The following HMBOX1 variants were observed in gnomAD, a reference collection of about 807,000 sequenced individuals.
The protein encoded by HMBOX1 is homeobox-containing protein 1.
A neutral mutation model predicts 54.5 loss-of-function variants in HMBOX1; 14 were observed. The ratio of observed to expected loss-of-function variants is 0.26; its 90% CI spans 0.17 to 0.40. The LOEUF is 0.40. Ranked by LOEUF, HMBOX1 falls within the 10% of genes least tolerant of loss-of-function variation. The pLI is 1.00. For synonymous variants in HMBOX1, 160 were observed against 181.0 expected (o/e 0.88, Z 0.93); for missense variants, 332 against 514.4 (o/e 0.65, Z 3.43).
chr8:28,911,620 T>C (rs1815459941), intron 1 of HMBOX1, among the ~76,000 whole-genome samples: 1 of 152,118 alleles, frequency 6.6e-6, no homozygotes, highest in African/African-American at 2.4e-5. Flanking sequence ...CCTCCCAAAA[T>C]GCTGGGATTA....
At chr8:29,007,859 CT>C (rs200652273) in intron 4 of HMBOX1, among the ~76,000 whole-genome samples, 1 of 151,270 alleles carries the variant, frequency 6.6e-6, no homozygotes, top group African/African-American at 2.4e-5. Flanking sequence ...GCTTCACAGT[CT>C]TTTTTTTTAA....
intron 1 of HMBOX1, among the ~76,000 whole-genome samples, chr8:28,904,307 G>A (rs1014867414): frequency 7.3e-5 from 11 of 150,554 alleles, no homozygotes; most frequent in Admixed American, 1.3e-4. Context: ...GAGTGCAGTG[G>A]TGCAATCTTG....
chr8:29,049,119 T>G, intron 9 of HMBOX1, 71 bp downstream of exon 9: 1 of 1,518,374 alleles, frequency 6.6e-7, no homozygotes, highest in Non-Finnish European at 9.1e-7. Flanking sequence ...GCTTAGTTCC[T>G]TGGGTGTGGC....
intron 1 of HMBOX1, among the ~76,000 whole-genome samples, chr8:28,924,175 T>C (rs555932601): frequency 6.7e-4 from 101 of 151,600 alleles, no homozygotes; most frequent in African/African-American, 2.4e-3. Flanking sequence ...GGAATGATCT[T>C]GGCTCACTGC....
intron 1 of HMBOX1, among the ~76,000 whole-genome samples, chr8:28,918,396 G>T (rs530340198): frequency 1.3e-5 from 2 of 151,494 alleles, no homozygotes; most frequent in Non-Finnish European, 2.9e-5. Flanking sequence ...GTAGAGATGG[G>T]GTTCCACCGT....
chr8:28,966,316 A>G (rs1274295316), intron 2 of HMBOX1, among the ~76,000 whole-genome samples: 4 of 152,206 alleles, frequency 2.6e-5, no homozygotes, highest in Non-Finnish European at 5.9e-5. Flanking sequence ...TAATTCCTGA[A>G]TTTAATTGTT....
intron 1 of HMBOX1, among the ~76,000 whole-genome samples, chr8:28,919,045 AG>A (rs1817082292): frequency 6.6e-6 from 1 of 152,260 alleles, no homozygotes; most frequent in African/African-American, 2.4e-5. Context: ...CAGAGAGGAA[AG>A]TGACAGAATA....
intron 6 of HMBOX1, among the ~76,000 whole-genome samples, chr8:29,035,031 G>A (rs574511939): frequency 1.3e-5 from 2 of 152,118 alleles, no homozygotes; most frequent in Non-Finnish European, 2.9e-5. Flanking sequence ...TTCTCCCTCC[G>A]CCTTCAGAGA....
At chr8:28,949,839 T>G (rs2292478) in intron 1 of HMBOX1, 97,427 of 151,962 alleles carry the variant, frequency 0.64, 31,417 homozygotes, top group East Asian at 0.75. Flanking sequence ...TTTTGTAAAG[T>G]TTATTTGCTG....
intron 1 of HMBOX1, among the ~76,000 whole-genome samples, chr8:28,923,063 C>T (rs1331467058): frequency 6.6e-6 from 1 of 152,142 alleles, no homozygotes; most frequent in African/African-American, 2.4e-5. Flanking sequence ...GAGTACAATT[C>T]AGTGACATTA....
At chr8:28,948,779 T>C (rs1261235289) in intron 1 of HMBOX1, among the ~76,000 whole-genome samples, 1 of 152,222 alleles carries the variant, frequency 6.6e-6, no homozygotes, top group Non-Finnish European at 1.5e-5. Context: ...TAATATAAGA[T>C]TTTATTATTT....
chr8:28,960,582 C>T (rs1586105859), intron 1 of HMBOX1, among the ~76,000 whole-genome samples: 1 of 150,580 alleles, frequency 6.6e-6, no homozygotes, highest in East Asian at 1.9e-4. Flanking sequence ...TATATTTGTT[C>T]ATTCTAAAAG....
At chr8:29,043,148 C>T (rs1805087339) in intron 6 of HMBOX1, among the ~76,000 whole-genome samples, 1 of 152,186 alleles carries the variant, frequency 6.6e-6, no homozygotes, top group Non-Finnish European at 1.5e-5. Flanking sequence ...TGGCCCCATC[C>T]CACCTTTCCA....
In HMBOX1 at chr8:28,950,696, A is replaced by G. The variant is rs73241115; in HGVS notation, c.-57-13115A>G. 7.9e-3 allele frequency among the ~76,000 whole-genome samples: 1,204 copies of G among 152,290 alleles called. 11 individuals are homozygous for G. Among genetic ancestry groups the G allele is most frequent in the Non-Finnish European group, 0.012 (800 of 68,002 alleles). ...TTGGAGTCAGTACGTTAGAGGCACA[A>G]CTGTATAGAGGTAGAGATGGTAGCT... On this transcript the variant is annotated intron_variant, in intron 1 of 9. Coordinates refer to ENST00000287701, the MANE Select transcript of HMBOX1 (RefSeq NM_001135726.3).
chr8:29,048,545 CCTG>C (rs1279306862), intron 8 of HMBOX1: 2 of 153,330 alleles, frequency 1.3e-5, no homozygotes, highest in African/African-American at 4.8e-5. Flanking sequence ...CAGGCCTGAC[CCTG>C]CTTAGCTTCC....
At chr8:29,001,414 G>A (rs894005381) in intron 4 of HMBOX1, among the ~76,000 whole-genome samples, 2 of 152,150 alleles carry the variant, frequency 1.3e-5, no homozygotes, top group Non-Finnish European at 2.9e-5. Flanking sequence ...GCCAGGCGTG[G>A]TGGTGGGCAC....
At chr8:28,914,756 A>G (rs2131707830) in intron 1 of HMBOX1, among the ~76,000 whole-genome samples, 1 of 152,326 alleles carries the variant, frequency 6.6e-6, no homozygotes, top group Middle Eastern at 3.4e-3. Flanking sequence ...TTTCAGTGAG[A>G]ACTTCCTTGT....
intron 7 of HMBOX1, 77 bp downstream of exon 7, chr8:29,045,520 C>A: frequency 7.1e-6 from 8 of 1,119,174 alleles, no homozygotes; most frequent in Non-Finnish European, 1.1e-5. Flanking sequence ...GACACTTAAT[C>A]TTATGCGTGC....
chr8:28,897,100 T>C (rs1812285973), intron 1 of HMBOX1, among the ~76,000 whole-genome samples: 1 of 151,858 alleles, frequency 6.6e-6, no homozygotes, highest in Non-Finnish European at 1.5e-5. Flanking sequence ...TTCTCCTGCC[T>C]CAGCCTTCCT....
Sources: gnomAD v4.1 joint callset for allele counts (sites outside exome capture counted in the v4.1 genomes callset) on GRCh38, gnomAD v4.1.1 for gene constraint, MANE v1.5 for transcripts, NCBI Gene and HGNC (gene_info 2026-07-23, HGNC 2026-07-21) for gene names.